CHST8: variants seen among roughly 807,000 people sequenced by gnomAD.
CHST8 encodes the protein GALNAC-4-ST1.
CHST8 carries 10 observed loss-of-function variants against 15.0 expected under a neutral mutation model. The ratio of observed to expected loss-of-function variants is 0.67; its 90% CI spans 0.41 to 1.13. The LOEUF is 1.13. Among genes scored for constraint, CHST8 ranks in the 50% most tolerant of loss-of-function variants. The probability of loss-of-function intolerance (pLI) is 0.00; values close to 1 mark genes in which losing one functional copy is unlikely to be tolerated. For missense variants in CHST8, 634 were observed against 608.2 expected (o/e 1.04, Z -0.45); for synonymous variants, 259 against 256.6 (o/e 1.01, Z -0.09).
intron 1 of CHST8, among the ~76,000 whole-genome samples, chr19:33,643,720 C>A (rs1047841725): frequency 3.3e-5 from 5 of 152,104 alleles, no homozygotes; most frequent in African/African-American, 1.2e-4. Context: ...AGCTTAGGAG[C>A]GCATTTCTAG....
chr19:33,755,432 G>C (rs573778183), intron 3 of CHST8, among the ~76,000 whole-genome samples: 11 of 152,188 alleles, frequency 7.2e-5, no homozygotes, highest in Admixed American at 7.2e-4. Context: ...AAGGAATGAC[G>C]TTTAATCCTG....
Position 33,738,973 on chromosome 19 carries a change from A to G in CHST8, c.131-32440A>G, listed in dbSNP as rs149342995. Reference sequence around the variant, plus strand: ...GGGTGGGGAGGATATTGCCAGGATTAAAGCCGGGAGGACCCTGCATCCTTT... The same window carrying G: ...GGGTGGGGAGGATATTGCCAGGATTGAAGCCGGGAGGACCCTGCATCCTTT... On this transcript the variant is annotated intron_variant, in intron 3 of 4. Transcript: ENST00000650847. Among the ~76,000 whole-genome samples, 975 of 152,232 alleles carry G rather than the reference A, an allele frequency of 6.4e-3. 7 individuals are homozygous for G. The highest frequency in any genetic ancestry group is 0.01 in the Non-Finnish European group (698 of 68,012).
intron 1 of CHST8, among the ~76,000 whole-genome samples, chr19:33,633,725 A>G (rs2145438759): frequency 6.6e-6 from 1 of 151,042 alleles, no homozygotes; most frequent in South Asian, 2.1e-4. Context: ...TACTTAGAAG[A>G]GAATTGTTGG....
intron 3 of CHST8, among the ~76,000 whole-genome samples, chr19:33,709,799 A>G (rs890902987): frequency 2.6e-5 from 4 of 152,148 alleles, no homozygotes; most frequent in African/African-American, 9.7e-5. Context: ...GTTTATTAGA[A>G]TTTATCAGTG....
chr19:33,757,411 A>G (rs1246503143), intron 3 of CHST8, among the ~76,000 whole-genome samples: 4 of 6,548 alleles, frequency 6.1e-4, no homozygotes, highest in African/African-American at 1.3e-3. Flanking sequence ...AGAAAGAAAG[A>G]AAGAAAGAAA....
intron 3 of CHST8, among the ~76,000 whole-genome samples, chr19:33,732,784 A>G (rs1281922372): frequency 3.3e-5 from 5 of 152,110 alleles, no homozygotes; most frequent in Admixed American, 1.3e-4. Flanking sequence ...GGGCATGTGC[A>G]TCTTAGAGGA....
chr19:33,766,579 G>A (rs1245256977), intron 3 of CHST8, among the ~76,000 whole-genome samples: 2 of 152,242 alleles, frequency 1.3e-5, no homozygotes, highest in Non-Finnish European at 2.9e-5. Flanking sequence ...GCAGGGCAGA[G>A]GCCGGCAGCC....
In CHST8 at chr19:33,714,838, G is replaced by A. The variant is rs996946758; in HGVS notation, c.130+25447G>A. ...AGACATGCCTGTCATCTTCTGCCAT[G>A]ATTGTGAGGCCTCCCCAGCCACATG... On this transcript the variant is annotated intron_variant, in intron 3 of 4. Coordinates refer to ENST00000650847, the MANE Select transcript of CHST8 (RefSeq NM_001127895.2). Among the ~76,000 whole-genome samples the A allele has an allele frequency of 4.6e-5, 7 of 152,226 alleles. 1 individual carries two copies. Among genetic ancestry groups the A allele is most frequent in the African/African-American group, 1.7e-4 (7 of 41,458 alleles).
intron 3 of CHST8, among the ~76,000 whole-genome samples, chr19:33,741,524 A>C (rs720875): frequency 0.051 from 7,814 of 152,228 alleles, 285 homozygotes; most frequent in Non-Finnish European, 0.074. Context: ...CATCTTCCCT[A>C]GCAAATATAC....
Position 33,719,575 on chromosome 19 carries a change from G to A in CHST8, c.130+30184G>A, listed in dbSNP as rs571167478. ...GGCAGGCGCTGAGAGACAGAACTCGGGGGGACACCTAGGGAGACTGGACTG... is the reference window on the plus strand; with the variant it reads ...GGCAGGCGCTGAGAGACAGAACTCGAGGGGACACCTAGGGAGACTGGACTG... On this transcript the variant is annotated intron_variant, in intron 3 of 4. Coordinates refer to ENST00000650847, the MANE Select transcript of CHST8 (RefSeq NM_001127895.2). 5.3e-5 allele frequency among the ~76,000 whole-genome samples: 8 copies of A among 152,044 alleles called. No homozygotes were observed. In the East Asian group the frequency reaches 1.6e-3, roughly 30 times the overall value.
At chr19:33,645,928 A>G (rs1972349999) in intron 1 of CHST8, among the ~76,000 whole-genome samples, 1 of 151,958 alleles carries the variant, frequency 6.6e-6, no homozygotes, top group South Asian at 2.1e-4. Flanking sequence ...GGAGTTCAAG[A>G]CTAGCCTGGG....
At chr19:33,757,264 C>A (rs1178244407) in intron 3 of CHST8, among the ~76,000 whole-genome samples, 3 of 151,226 alleles carry the variant, frequency 2.0e-5, no homozygotes, top group Non-Finnish European at 4.4e-5. Context: ...GTGGCGCACG[C>A]CTGCTACTCT....
chr19:33,766,049 G>A (rs900097687), intron 3 of CHST8, among the ~76,000 whole-genome samples: 2 of 152,026 alleles, frequency 1.3e-5, no homozygotes, highest in African/African-American at 4.8e-5. Flanking sequence ...GTCTTCCCTG[G>A]GTCTCCGGCC....
At chr19:33,760,254 C>T (rs2145376551) in intron 3 of CHST8, among the ~76,000 whole-genome samples, 1 of 151,870 alleles carries the variant, frequency 6.6e-6, no homozygotes, top group South Asian at 2.1e-4. Context: ...GCCGGCCAGC[C>T]ATCATGGTTG....
rs116733797 is a variant in CHST8, at chr19:33,676,630, C to G, written c.-87+8787C>G. On this transcript the variant is annotated intron_variant, in intron 2 of 4. Coordinates refer to ENST00000650847, the MANE Select transcript of CHST8 (RefSeq NM_001127895.2). ...ATGGCTTACGCCTGTCATTCCAGCA[C>G]TTTAGGAGGCTGAGGCGGAAGGATT... 6.0e-3 allele frequency among the ~76,000 whole-genome samples: 912 copies of G among 152,152 alleles called. 9 individuals are homozygous for G. Among genetic ancestry groups the G allele is most frequent in the African/African-American group, 0.021 (856 of 41,502 alleles).
At chr19:33,694,813 T>G (rs1973179079) in intron 3 of CHST8, among the ~76,000 whole-genome samples, 1 of 152,106 alleles carries the variant, frequency 6.6e-6, no homozygotes, top group Admixed American at 6.5e-5. Context: ...CTCCTGAGCT[T>G]CAGGCGATCT....
At chr19:33,751,090 A>C (rs773681081) in intron 3 of CHST8, among the ~76,000 whole-genome samples, 1 of 152,230 alleles carries the variant, frequency 6.6e-6, no homozygotes, top group African/African-American at 2.4e-5. Context: ...AAAATGGAAC[A>C]AAATGGAAAA....
chr19:33,666,025 A>G (rs1305544214), intron 1 of CHST8, among the ~76,000 whole-genome samples: 1 of 152,216 alleles, frequency 6.6e-6, no homozygotes, highest in Non-Finnish European at 1.5e-5. Flanking sequence ...GCTGTGCCCC[A>G]CACAGCTTTC....
At chr19:33,676,743 A>G (rs1972815037) in intron 2 of CHST8, among the ~76,000 whole-genome samples, 1 of 142,986 alleles carries the variant, frequency 7.0e-6, no homozygotes, top group East Asian at 2.1e-4. Flanking sequence ...TGGGTGTTAT[A>G]GCATGTACCT....
Sources: gnomAD v4.1 joint callset for allele counts (sites outside exome capture counted in the v4.1 genomes callset) on GRCh38, gnomAD v4.1.1 for gene constraint, MANE v1.5 for transcripts, NCBI Gene and HGNC (gene_info 2026-07-23, HGNC 2026-07-21) for gene names.